GDA: variants seen among roughly 807,000 people sequenced by gnomAD.
GDA encodes the protein cytoplasmic PSD-95 interactor.
In GDA, 18 loss-of-function variants were observed where a neutral mutation model predicts 59.6. That is an observed-to-expected ratio of 0.30 (90% confidence interval 0.21 to 0.45). GDA has a LOEUF of 0.45. GDA is among the 20% of genes least tolerant of loss of function. The pLI, the probability that GDA is intolerant of heterozygous loss-of-function variation, is 1.00. For missense variants in GDA, 427 were observed against 552.3 expected (o/e 0.77, Z 2.27); for synonymous variants, 201 against 201.1 (o/e 1.00, Z 0.00).
chr9:72,235,218 A>G (rs1364612415), intron 10 of GDA, among the ~76,000 whole-genome samples: 1 of 152,232 alleles, frequency 6.6e-6, no homozygotes, highest in Non-Finnish European at 1.5e-5. Flanking sequence ...GAATGGTAAC[A>G]TAAATCAGGA....
At chr9:72,143,753 A>G (rs1165888505) in intron 1 of GDA, among the ~76,000 whole-genome samples, 5 of 152,024 alleles carry the variant, frequency 3.3e-5, no homozygotes, top group Non-Finnish European at 5.9e-5. Context: ...TCATCTACAA[A>G]CTTCTAGGCT....
At chr9:72,117,376 C>G (rs922420488) in intron 1 of GDA, among the ~76,000 whole-genome samples, 3 of 151,836 alleles carry the variant, frequency 2.0e-5, no homozygotes, top group Non-Finnish European at 2.9e-5. Context: ...TTAAAATGAC[C>G]TTTATAAAAT....
intron 11 of GDA, among the ~76,000 whole-genome samples, chr9:72,243,651 A>G (rs1204708496): frequency 6.6e-6 from 1 of 152,196 alleles, no homozygotes; most frequent in East Asian, 1.9e-4. Context: ...TAAAGAGAGT[A>G]CTTTAGCTAA....
chr9:72,241,754 T>A (rs1839636538), intron 11 of GDA, among the ~76,000 whole-genome samples: 1 of 151,990 alleles, frequency 6.6e-6, no homozygotes, highest in Non-Finnish European at 1.5e-5. Context: ...TTAGCTGGGC[T>A]TGGTGAAGTG....
intron 1 of GDA, among the ~76,000 whole-genome samples, chr9:72,121,959 T>A (rs548001226): frequency 1.6e-4 from 24 of 152,330 alleles, no homozygotes; most frequent in Admixed American, 4.6e-4. Context: ...ACCACTTTGC[T>A]AGTTTTTCTC....
chr9:72,180,134 G>A (rs760873106), intron 1 of GDA, among the ~76,000 whole-genome samples: 4 of 151,838 alleles, frequency 2.6e-5, no homozygotes, highest in Non-Finnish European at 4.4e-5. Flanking sequence ...CAAGAGGAGC[G>A]GATCATGAGG....
At chr9:72,212,518 A>G (rs1835514035) in intron 4 of GDA, among the ~76,000 whole-genome samples, 1 of 152,002 alleles carries the variant, frequency 6.6e-6, no homozygotes, top group Non-Finnish European at 1.5e-5. Flanking sequence ...TGTTGCCTAG[A>G]TAACCACATG....
At chr9:72,161,901 T>C (rs975613471) in intron 1 of GDA, among the ~76,000 whole-genome samples, 1 of 152,208 alleles carries the variant, frequency 6.6e-6, no homozygotes, top group African/African-American at 2.4e-5. Flanking sequence ...CAAGAAATAG[T>C]TAATCAACAT....
intron 1 of GDA, among the ~76,000 whole-genome samples, chr9:72,153,786 G>A (rs1319061490): frequency 2.2e-5 from 3 of 138,460 alleles, no homozygotes; most frequent in East Asian, 2.3e-4. Context: ...ACACAGGAAG[G>A]GGAACATCAT....
chr9:72,239,873 T>A (rs1301905291), intron 10 of GDA, among the ~76,000 whole-genome samples: 3 of 152,170 alleles, frequency 2.0e-5, no homozygotes, highest in Non-Finnish European at 4.4e-5. Context: ...TAGTTGAACA[T>A]AAAATTGAGC....
At position 72,149,526 on chromosome 9, in the gene GDA, G is replaced by C. The variant is rs993392236; in HGVS notation, c.-34G>C. ...CGTCTCCGCCGCGTGCGCCCTCCTC[G>C]ACCAGCAGACCCGCGCTGCGCTCCG... On this transcript the variant is annotated 5_prime_UTR_variant, in exon 1 of 14. Transcript: ENST00000358399. 4 of 1,605,004 alleles carry C rather than the reference G, an allele frequency of 2.5e-6. No homozygotes were observed. The highest frequency in any genetic ancestry group is 3.3e-5 in the Admixed American group (2 of 59,796).
Position 72,190,374 on chromosome 9 carries a change from G to A in GDA, c.124-5126G>A, listed in dbSNP as rs576762007. ...ATTCCTGACCTCAAGCAATCTGCTC[G>A]CCTTGGCCTCCCAAAGTGCTGGGAT... On this transcript the variant is annotated intron_variant, in intron 1 of 13. Transcript: ENST00000358399. Among the ~76,000 whole-genome samples, 156 of 152,256 alleles carry A rather than the reference G, an allele frequency of 1.0e-3. 1 individual carries two copies. Among genetic ancestry groups the A allele is most frequent in the African/African-American group, 3.5e-3 (146 of 41,562 alleles).
intron 12 of GDA, among the ~76,000 whole-genome samples, chr9:72,246,573 T>C (rs1004669569): frequency 6.6e-6 from 1 of 152,230 alleles, no homozygotes. Flanking sequence ...AGAAATATGA[T>C]AGGACAAAGA....
At chr9:72,130,056 C>G in intron 1 of GDA, among the ~76,000 whole-genome samples, 1 of 152,140 alleles carries the variant, frequency 6.6e-6, no homozygotes, top group Non-Finnish European at 1.5e-5. Context: ...TCACCTGCCC[C>G]CAGCACAATG....
chr9:72,201,193 A>AT (rs34021514), intron 2 of GDA, among the ~76,000 whole-genome samples: 45,599 of 148,614 alleles, frequency 0.31, 7,517 homozygotes, highest in Middle Eastern at 0.39. Context: ...GTCACACAGA[A>AT]TTTTTTTTTT....
In GDA at chr9:72,248,538, T is replaced by A. The variant is rs540219829; in HGVS notation, c.*196T>A. 4 of 1,383,716 alleles carry A rather than the reference T, an allele frequency of 2.9e-6. No individual in the cohort carries two copies. In the East Asian group the frequency reaches 1.1e-4, roughly 38 times the overall value. The allele number at this position is 1,383,716 out of a possible 1,614,324, so 85.7% of individuals were successfully genotyped here. On this transcript the variant is annotated 3_prime_UTR_variant, in exon 14 of 14. Transcript: ENST00000358399. ...AATTCTCAACTCTGGTTGAGAGGGT[T>A]CATAAATTTCATGAAAATATCTCCC...
intron 1 of GDA, among the ~76,000 whole-genome samples, chr9:72,134,961 G>T (rs1054666299): frequency 6.6e-6 from 1 of 152,158 alleles, no homozygotes; most frequent in South Asian, 2.1e-4. Flanking sequence ...ATTGGTCAAT[G>T]ATATGCAATT....
intron 3 of GDA, among the ~76,000 whole-genome samples, chr9:72,204,202 G>A (rs1424449010): frequency 6.6e-6 from 1 of 152,182 alleles, no homozygotes; most frequent in East Asian, 1.9e-4. Flanking sequence ...TGCACCACAT[G>A]ACACTAGAAA....
intron 10 of GDA, among the ~76,000 whole-genome samples, chr9:72,234,895 T>G (rs1452556297): frequency 6.6e-6 from 1 of 152,198 alleles, no homozygotes; most frequent in African/African-American, 2.4e-5. Flanking sequence ...CAAAGCAGTG[T>G]TAGCCAAGAA....
Sources: gnomAD v4.1 joint callset for allele counts (sites outside exome capture counted in the v4.1 genomes callset) on GRCh38, gnomAD v4.1.1 for gene constraint, MANE v1.5 for transcripts, NCBI Gene and HGNC (gene_info 2026-07-23, HGNC 2026-07-21) for gene names.